The following LHPP variants were observed in gnomAD, a reference collection of about 807,000 sequenced individuals.
LHPP encodes the protein phospholysine phosphohistidine inorganic pyrophosphate phosphatase, also known as hLHPP.
Under a neutral mutation model 30.3 loss-of-function variants are expected in LHPP, and 24 were observed. That is an observed-to-expected ratio of 0.79 (90% CI 0.57 to 1.11). The LOEUF is 1.11. LHPP is among the 50% of genes most tolerant of loss of function. The pLI is 0.00. For missense variants in LHPP, 356 were observed against 367.2 expected (o/e 0.97, Z 0.25); for synonymous variants, 150 against 157.1 (o/e 0.95, Z 0.34).
chr10:124,528,999 GC>G (rs1954814842), intron 6 of LHPP, among the ~76,000 whole-genome samples: 1 of 149,538 alleles, frequency 6.7e-6, no homozygotes, highest in African/African-American at 2.5e-5. Flanking sequence ...AATCGCCCCT[GC>G]CCTGGGTTTG....
At chr10:124,578,420 C>G (rs1365264377) in intron 6 of LHPP, among the ~76,000 whole-genome samples, 1 of 152,232 alleles carries the variant, frequency 6.6e-6, no homozygotes, top group Non-Finnish European at 1.5e-5. Flanking sequence ...CTTCTCCGAT[C>G]TGCTCACTCA....
intron 5 of LHPP, among the ~76,000 whole-genome samples, chr10:124,509,948 C>G (rs1954258088): frequency 6.6e-6 from 1 of 152,130 alleles, no homozygotes; most frequent in African/African-American, 2.4e-5. Flanking sequence ...CCCTCCAGCA[C>G]CTAGGACACT....
At chr10:124,583,152 G>A (rs1173659786) in intron 6 of LHPP, among the ~76,000 whole-genome samples, 1 of 152,160 alleles carries the variant, frequency 6.6e-6, no homozygotes, top group Non-Finnish European at 1.5e-5. Context: ...TTTTGATGAA[G>A]TCCATTTGAT....
intron 6 of LHPP, among the ~76,000 whole-genome samples, chr10:124,539,785 C>T (rs1322990941): frequency 6.8e-6 from 1 of 147,070 alleles, no homozygotes; most frequent in Non-Finnish European, 1.5e-5. Flanking sequence ...ACCTGTAGTC[C>T]CAGCTACTCA....
intron 6 of LHPP, among the ~76,000 whole-genome samples, chr10:124,606,869 C>T (rs1949102063): frequency 6.6e-6 from 1 of 152,222 alleles, no homozygotes; most frequent in African/African-American, 2.4e-5. Flanking sequence ...CCTTCCCTGC[C>T]TGTTACAGGC....
chr10:124,505,024 G>A (rs1295896481), intron 5 of LHPP, among the ~76,000 whole-genome samples: 2 of 152,076 alleles, frequency 1.3e-5, no homozygotes, highest in African/African-American at 4.8e-5. Flanking sequence ...GTTTCCTCTG[G>A]TGGCTCCGAG....
chr10:124,607,519 G>A (rs1443969332), intron 6 of LHPP, among the ~76,000 whole-genome samples: 1 of 152,172 alleles, frequency 6.6e-6, no homozygotes, highest in Non-Finnish European at 1.5e-5. Context: ...GACGCCATTC[G>A]GCTAGGTACA....
At chr10:124,518,462 G>T (rs1041025093) in intron 6 of LHPP, among the ~76,000 whole-genome samples, 3 of 152,242 alleles carry the variant, frequency 2.0e-5, no homozygotes, top group African/African-American at 7.2e-5. Flanking sequence ...CGCTGACAGC[G>T]GACCTCGGGG....
rs1332529411 is a variant in LHPP, at chr10:124,484,304, A to G, written c.291A>G (p.Arg97=). The G allele has an allele frequency of 6.2e-6, 10 of 1,613,330 alleles. No individual in the cohort carries two copies. Among genetic ancestry groups the G allele is most frequent in the Non-Finnish European group, 8.5e-6 (10 of 1,179,628 alleles). The change falls in exon 2 of 7, where the codon CGA becomes CGG. Residue 97 remains arginine (R), a synonymous_variant. Coordinates refer to ENST00000368842, the MANE Select transcript of LHPP (RefSeq NM_022126.4). ...AGATCCTGAAGGAGCAAGGCCTGCGACCATACCTGCTCATCCATGACGGTA... is the reference window on the plus strand; with the variant it reads ...AGATCCTGAAGGAGCAAGGCCTGCGGCCATACCTGCTCATCCATGACGGTA... ...ACQILKEQGL[R]PYLLIHDGVR...
Position 124,466,427 on chromosome 10 carries a change from ACT to A in LHPP, c.125+4443_125+4444del, listed in dbSNP as rs566327095. On this transcript the variant is annotated intron_variant, in intron 1 of 6. Transcript: ENST00000368842. ...TGGTTGGAGACAGGGTAGGAGAAAG[ACT>A]CTTCACTGTATAACTTTGTATACCA... 1.4e-4 allele frequency among the ~76,000 whole-genome samples: 22 copies of A among 152,016 alleles called. No homozygotes were observed. The South Asian group carries it at 4.4e-3, about 30-fold the overall frequency.
intron 6 of LHPP, among the ~76,000 whole-genome samples, chr10:124,601,991 C>A (rs567739294): frequency 1.4e-3 from 207 of 152,338 alleles, no homozygotes; most frequent in African/African-American, 4.9e-3. Context: ...GTGCTGTGCC[C>A]CGTCCTCCGC....
At chr10:124,480,346 T>G (rs1953085828) in intron 1 of LHPP, among the ~76,000 whole-genome samples, 1 of 152,216 alleles carries the variant, frequency 6.6e-6, no homozygotes, top group Non-Finnish European at 1.5e-5. Context: ...ATAGGCTGAA[T>G]GAACTTATAT....
chr10:124,574,623 G>A (rs960423903), intron 6 of LHPP, among the ~76,000 whole-genome samples: 1 of 152,160 alleles, frequency 6.6e-6, no homozygotes, highest in Non-Finnish European at 1.5e-5. Flanking sequence ...GGAGGGGAGT[G>A]GTCGCATCCC....
chr10:124,606,708 C>T (rs1392624279), intron 6 of LHPP, among the ~76,000 whole-genome samples: 1 of 152,224 alleles, frequency 6.6e-6, no homozygotes, highest in Non-Finnish European at 1.5e-5. Flanking sequence ...GCTCAGCTGT[C>T]TGGGGGCCTG....
At position 124,613,661 on chromosome 10, in the gene LHPP, C is replaced by T. The variant is rs889094065; in HGVS notation, c.*301C>T. On this transcript the variant is annotated 3_prime_UTR_variant, in exon 7 of 7. Coordinates refer to ENST00000368842, the MANE Select transcript of LHPP (RefSeq NM_022126.4). ...GTGAAGTCCAGGAGGGTGGGACAGG[C>T]CTGTCAGGCCTCTGGGAATCTCCCA... 1.9e-4 allele frequency: 88 copies of T among 470,736 alleles called. No homozygotes were observed. The East Asian group carries it at 3.2e-3, about 17-fold the overall frequency. The allele number at this position is 470,736 out of a possible 1,614,324, so 29.2% of individuals were successfully genotyped here.
At chr10:124,542,943 G>C (rs1955236105) in intron 6 of LHPP, among the ~76,000 whole-genome samples, 1 of 152,194 alleles carries the variant, frequency 6.6e-6, no homozygotes, top group Admixed American at 6.5e-5. Flanking sequence ...CCTGCCCATG[G>C]CTCTTGCCAC....
intron 1 of LHPP, among the ~76,000 whole-genome samples, chr10:124,463,363 A>G (rs1276676344): frequency 6.7e-6 from 1 of 148,604 alleles, no homozygotes; most frequent in African/African-American, 2.6e-5. Flanking sequence ...CTTGACCATG[A>G]GGACACTTTT....
chr10:124,529,809 A>G (rs946402962), intron 6 of LHPP, among the ~76,000 whole-genome samples: 32 of 129,032 alleles, frequency 2.5e-4, no homozygotes, highest in Middle Eastern at 4.0e-3. Context: ...ACACACACAC[A>G]CACGCACACA....
At chr10:124,574,581 T>C (rs1040903127) in intron 6 of LHPP, among the ~76,000 whole-genome samples, 2 of 151,906 alleles carry the variant, frequency 1.3e-5, no homozygotes, top group African/African-American at 4.8e-5. Flanking sequence ...GACCCAAGGG[T>C]CAACCAAAGT....
Sources: allele counts gnomAD v4.1 joint callset (sites outside exome capture counted in the v4.1 genomes callset), GRCh38; gene constraint gnomAD v4.1.1; transcripts MANE v1.5; gene names NCBI Gene and HGNC (gene_info 2026-07-23, HGNC 2026-07-21).